The following CNOT10 variants were observed in gnomAD, a reference collection of about 807,000 sequenced individuals.
The protein encoded by CNOT10 is CCR4-NOT transcription complex subunit 10.
CNOT10 carries 30 observed loss-of-function variants against 94.6 expected under a neutral mutation model. The ratio of observed to expected loss-of-function variants is 0.32; its 90% confidence interval spans 0.24 to 0.43. The LOEUF (loss-of-function observed/expected upper bound fraction) is 0.43. Ranked by LOEUF, CNOT10 falls within the 20% of genes least tolerant of loss-of-function variation. The probability of loss-of-function intolerance (pLI) is 1.00; values close to 1 mark genes in which losing one functional copy is unlikely to be tolerated. For synonymous variants in CNOT10, 289 were observed against 301.6 expected, an observed-to-expected ratio of 0.96 and a Z score of 0.43; for missense variants, 759 against 877.2, an observed-to-expected ratio of 0.87 and a Z score of 1.70.
chr3:32,715,327 A>G (rs1029615487), intron 5 of CNOT10, among the ~76,000 whole-genome samples: 2 of 152,218 alleles, frequency 1.3e-5, no homozygotes, highest in Admixed American at 1.3e-4. Flanking sequence ...CAAGTCAGAC[A>G]AGGAGGGGTA....
chr3:32,751,706 C>T (rs1699973898), intron 13 of CNOT10, among the ~76,000 whole-genome samples: 1 of 151,984 alleles, frequency 6.6e-6, no homozygotes, highest in Non-Finnish European at 1.5e-5. Context: ...TTTTGTTAGC[C>T]CAGTGGTGAT....
chr3:32,739,107 T>C (rs922396617), intron 13 of CNOT10, among the ~76,000 whole-genome samples: 2 of 152,046 alleles, frequency 1.3e-5, no homozygotes, highest in African/African-American at 4.8e-5. Context: ...GGTTTTACCA[T>C]GTTAGCCAGG....
intron 15 of CNOT10, chr3:32,764,139 C>A (rs1575310937): frequency 1.7e-5 from 4 of 230,976 alleles, no homozygotes; most frequent in South Asian, 1.3e-4. Context: ...AAAAAAAAAA[C>A]CAGCCTGACC....
intron 18 of CNOT10, among the ~76,000 whole-genome samples, chr3:32,770,213 G>C (rs984623536): frequency 1.2e-4 from 18 of 151,362 alleles, no homozygotes; most frequent in African/African-American, 4.1e-4. Flanking sequence ...TCGCTTTGTT[G>C]CCCAGGCTGC....
At chr3:32,699,421 A>T (rs1297166263) in intron 1 of CNOT10, among the ~76,000 whole-genome samples, 1 of 152,176 alleles carries the variant, frequency 6.6e-6, no homozygotes, top group African/African-American at 2.4e-5. Context: ...GACATTTAGT[A>T]TTATCGTTTT....
At chr3:32,708,079 A>G (rs1308766699) in intron 3 of CNOT10, among the ~76,000 whole-genome samples, 1 of 151,714 alleles carries the variant, frequency 6.6e-6, no homozygotes, top group African/African-American at 2.4e-5. Context: ...TTGTATTTTT[A>G]GTAGAGACGG....
chr3:32,727,956 A>T (rs1408615452), intron 10 of CNOT10, 86 bp downstream of exon 10: 83 of 869,398 alleles, frequency 9.5e-5, no homozygotes, highest in Non-Finnish European at 1.4e-4. Flanking sequence ...AAAACCTTGG[A>T]AACATACATA....
chr3:32,685,281 G>A lies in CNOT10; in HGVS notation c.-180G>A, dbSNP rs898574171. The A allele has an allele frequency of 3.4e-6, 2 of 596,634 alleles. No individual in the cohort carries two copies. Among genetic ancestry groups the A allele is most frequent in the East Asian group, 6.2e-5 (2 of 32,482 alleles). The allele number at this position is 596,634 out of a possible 1,614,324, so 37.0% of individuals were successfully genotyped here. On this transcript the variant is annotated 5_prime_UTR_variant, in exon 1 of 19. Transcript: ENST00000328834. Reference sequence around the variant, plus strand: ...GAAGCTGTTGCTGTTGCTAGACGACGGGAACTAGCTCTCGTCACTTCCTCA... The same window carrying A: ...GAAGCTGTTGCTGTTGCTAGACGACAGGAACTAGCTCTCGTCACTTCCTCA...
chr3:32,730,984 G>T (rs1466403657), intron 10 of CNOT10: 1 of 152,038 alleles, frequency 6.6e-6, no homozygotes, highest in Non-Finnish European at 1.5e-5. Flanking sequence ...TTCCATCGTG[G>T]GCCAGTTTGT....
chr3:32,752,881 C>T (rs1242140083), intron 13 of CNOT10: 9 of 330,986 alleles, frequency 2.7e-5, no homozygotes, highest in South Asian at 2.3e-4. Flanking sequence ...ACAGTAGCAG[C>T]TCCGGCGGCA....
chr3:32,717,832 C>G (rs573740387), intron 7 of CNOT10, among the ~76,000 whole-genome samples: 1 of 152,102 alleles, frequency 6.6e-6, no homozygotes, highest in African/African-American at 2.4e-5. Flanking sequence ...TGTCATTTCA[C>G]GCTAGCCTGG....
At chr3:32,711,202 C>G (rs888562796) in intron 4 of CNOT10, among the ~76,000 whole-genome samples, 1 of 152,096 alleles carries the variant, frequency 6.6e-6, no homozygotes, top group African/African-American at 2.4e-5. Context: ...CCTTGGTATT[C>G]AAGGGAGATT....
At chr3:32,748,631 G>T (rs1699817729) in intron 13 of CNOT10, among the ~76,000 whole-genome samples, 1 of 151,858 alleles carries the variant, frequency 6.6e-6, no homozygotes, top group African/African-American at 2.4e-5. Context: ...TCCTGCCTCA[G>T]CCTCCCGAGT....
intron 4 of CNOT10, among the ~76,000 whole-genome samples, chr3:32,710,518 G>A (rs1037336765): frequency 2.6e-5 from 4 of 151,728 alleles, no homozygotes; most frequent in South Asian, 2.1e-4. Flanking sequence ...TTACGTTAGG[G>A]TTCACTCTTG....
chr3:32,739,282 A>G (rs1699342351), intron 13 of CNOT10, among the ~76,000 whole-genome samples: 1 of 152,078 alleles, frequency 6.6e-6, no homozygotes, highest in African/African-American at 2.4e-5. Flanking sequence ...AGCAATTTAC[A>G]TATTGGATTG....
intron 4 of CNOT10, among the ~76,000 whole-genome samples, chr3:32,711,370 A>G (rs576116119): frequency 6.6e-6 from 1 of 152,230 alleles, no homozygotes; most frequent in Admixed American, 6.5e-5. Flanking sequence ...TGTAAATGCT[A>G]TGAAAATGTT....
rs771610687 is a variant in CNOT10 at position 32,773,625 on chromosome 3, G to T, written c.*14G>T. 24 of 1,600,098 alleles carry T rather than the reference G, an allele frequency of 1.5e-5. No homozygotes were observed. The highest frequency in any genetic ancestry group is 2.0e-5 in the Non-Finnish European group (24 of 1,173,220). ...CAGAGAAAGTGATACTTCACTTTTG[G>T]AAAACTGTTACCTGAGACCCAGGGG... On this transcript the variant is annotated 3_prime_UTR_variant, in exon 19 of 19. Transcript: ENST00000328834.
At chr3:32,731,510 C>T (rs951999733) in intron 10 of CNOT10, among the ~76,000 whole-genome samples, 1 of 152,116 alleles carries the variant, frequency 6.6e-6, no homozygotes, top group African/African-American at 2.4e-5. Flanking sequence ...GAGTCTCACT[C>T]TTCACTCAGG....
intron 1 of CNOT10, among the ~76,000 whole-genome samples, chr3:32,696,715 C>G (rs1034462366): frequency 2.0e-5 from 3 of 152,012 alleles, no homozygotes; most frequent in Non-Finnish European, 2.9e-5. Flanking sequence ...CCTCCCTCCT[C>G]AGCCTCCCAA....
Sources: allele counts gnomAD v4.1 joint callset (sites outside exome capture counted in the v4.1 genomes callset), GRCh38; gene constraint gnomAD v4.1.1; transcripts MANE v1.5; gene names NCBI Gene and HGNC (gene_info 2026-07-23, HGNC 2026-07-21).